Variants in DSCAM observed in about 807,000 individuals in gnomAD.
The protein encoded by DSCAM is cell adhesion molecule DSCAM.
A neutral mutation model predicts 217.7 loss-of-function variants in DSCAM; 47 were observed. That is an observed-to-expected ratio of 0.22 (90% CI 0.17 to 0.28). DSCAM has a LOEUF of 0.28. Ranked by LOEUF, DSCAM falls within the 10% of genes least tolerant of loss-of-function variation. DSCAM has a pLI of 1.00. For synonymous variants in DSCAM, 1,056 were observed against 1,015.3 expected, an observed-to-expected ratio of 1.04 and a Z score of -0.76; for missense variants, 2,080 against 2,618.3, an observed-to-expected ratio of 0.79 and a Z score of 4.49.
chr21:40,324,132 GAAAAAAAAA>G (rs796310854), intron 8 of DSCAM, among the ~76,000 whole-genome samples: 87 of 80,158 alleles, frequency 1.1e-3, no homozygotes, highest in African/African-American at 4.0e-3. Flanking sequence ...AAAAAAAAAA[GAAAAAAAAA>G]AGAGAGAGAG....
At position 40,338,126 on chromosome 21, in the gene DSCAM, G is replaced by A. The variant is rs1855079201; in HGVS notation, c.1758C>T (p.Ser586=). 6.2e-7 allele frequency: 1 copy of A among 1,614,210 alleles called. No homozygotes were observed. Among genetic ancestry groups the A allele is most frequent in the Non-Finnish European group, 8.5e-7 (1 of 1,180,040 alleles). The part of the protein sequence containing the change: ...NVLVQPQLST[S]QSVHVTVKVP... ...CTTTCACGGTCACGTGGACGCTCTG[G>A]CTGGTGGAGAGTTGTGGTTGAACCA... The change falls in exon 8 of 33, where the codon AGC becomes AGT. Residue 586 remains serine (S), a synonymous_variant. Transcript: ENST00000400454.
At chr21:40,298,242 A>G (rs910956667) in intron 9 of DSCAM, among the ~76,000 whole-genome samples, 6 of 151,824 alleles carry the variant, frequency 4.0e-5, no homozygotes, top group African/African-American at 1.4e-4. Flanking sequence ...CATCACGCCC[A>G]GGTAATTTTT....
intron 1 of DSCAM, among the ~76,000 whole-genome samples, chr21:40,717,445 T>C (rs1036225369): frequency 6.6e-6 from 1 of 152,222 alleles, no homozygotes; most frequent in Admixed American, 6.5e-5. Flanking sequence ...GTCTATCCCC[T>C]GAAGAACAGG....
chr21:40,074,638 C>T (rs139563034), intron 27 of DSCAM, among the ~76,000 whole-genome samples: 239 of 152,328 alleles, frequency 1.6e-3, no homozygotes, highest in African/African-American at 5.3e-3. Flanking sequence ...TATCCTAAGC[C>T]CTCAATTTCC....
At chr21:40,549,861 T>C (rs1216873185) in intron 3 of DSCAM, among the ~76,000 whole-genome samples, 1 of 152,190 alleles carries the variant, frequency 6.6e-6, no homozygotes, top group East Asian at 1.9e-4. Flanking sequence ...TAACTACCAG[T>C]ATCTAAGCTG....
In DSCAM at chr21:40,590,047, T is replaced by G. The variant is rs866257350; in HGVS notation, c.508+102763A>C. The stretch of plus-strand genomic sequence containing the variant: ...TGGTAGATATTGTGTCTTCAATCAA[T>G]GGGAATTAGTAGGCAGTTTCCGTCA... On this transcript the variant is annotated intron_variant, in intron 3 of 32. Coordinates refer to ENST00000400454, the MANE Select transcript of DSCAM (RefSeq NM_001389.5). Among the ~76,000 whole-genome samples the G allele has an allele frequency of 3.9e-5, 6 of 152,312 alleles. No individual in the cohort carries two copies. The South Asian group carries it at 1.2e-3, about 32-fold the overall frequency.
chr21:40,349,136 C>CAAAAAAA (rs758386936), intron 5 of DSCAM, among the ~76,000 whole-genome samples: 778 of 38,666 alleles, frequency 0.02, 93 homozygotes, highest in African/African-American at 0.071. Flanking sequence ...GACTCCATCT[C>CAAAAAAA]AAAAAAAAAA....
At chr21:40,275,262 C>T (rs868558465) in intron 11 of DSCAM, among the ~76,000 whole-genome samples, 40 of 151,804 alleles carry the variant, frequency 2.6e-4, no homozygotes, top group African/African-American at 8.5e-4. Flanking sequence ...CTCAGGAGTT[C>T]GAGGGTGTAG....
chr21:40,200,048 AC>A (rs1363873863), intron 11 of DSCAM, among the ~76,000 whole-genome samples: 3 of 150,550 alleles, frequency 2.0e-5, no homozygotes, highest in Non-Finnish European at 4.4e-5. Flanking sequence ...AATACACATA[AC>A]AAAAAATTGG....
chr21:40,457,511 CA>C (rs954483631), intron 3 of DSCAM, among the ~76,000 whole-genome samples: 2 of 147,226 alleles, frequency 1.4e-5, no homozygotes, highest in Non-Finnish European at 3.0e-5. Context: ...GACCCTGTCT[CA>C]AAAAAAATAA....
chr21:40,671,851 G>A (rs946197139), intron 3 of DSCAM, among the ~76,000 whole-genome samples: 1 of 152,204 alleles, frequency 6.6e-6, no homozygotes, highest in African/African-American at 2.4e-5. Context: ...AGAAACCACA[G>A]TCAGACAGAA....
At chr21:40,787,104 A>G (rs1185394743) in intron 1 of DSCAM, among the ~76,000 whole-genome samples, 1 of 152,254 alleles carries the variant, frequency 6.6e-6, no homozygotes, top group Non-Finnish European at 1.5e-5. Context: ...GGACTAGTCC[A>G]TGAAATACAG....
intron 32 of DSCAM, among the ~76,000 whole-genome samples, chr21:40,036,311 C>A (rs1239736162): frequency 6.7e-6 from 1 of 149,702 alleles, no homozygotes; most frequent in South Asian, 2.1e-4. Flanking sequence ...CAAATAGATG[C>A]AATAAAAAAT....
chr21:40,370,705 T>C (rs1243648406), intron 3 of DSCAM, among the ~76,000 whole-genome samples: 2 of 152,010 alleles, frequency 1.3e-5, no homozygotes, highest in African/African-American at 4.8e-5. Context: ...ACTGCAGCCA[T>C]CACCTCCTGA....
At chr21:40,342,569 TCA>T (rs1309352543) in intron 6 of DSCAM, among the ~76,000 whole-genome samples, 3 of 149,336 alleles carry the variant, frequency 2.0e-5, no homozygotes, top group Admixed American at 1.3e-4. Context: ...TTGAGTTGTT[TCA>T]GTGTTAATTT....
At chr21:40,578,045 G>A (rs1260362511) in intron 3 of DSCAM, among the ~76,000 whole-genome samples, 2 of 152,162 alleles carry the variant, frequency 1.3e-5, no homozygotes, top group African/African-American at 4.8e-5. Flanking sequence ...CCTAAAAACA[G>A]AGTTAGTAAA....
At chr21:40,746,317 C>T (rs1249356292) in intron 1 of DSCAM, among the ~76,000 whole-genome samples, 1 of 148,062 alleles carries the variant, frequency 6.8e-6, no homozygotes, top group African/African-American at 2.5e-5. Context: ...GATCTTTCAC[C>T]TATAAAAACA....
intron 3 of DSCAM, among the ~76,000 whole-genome samples, chr21:40,370,253 T>C (rs939480734): frequency 1.4e-5 from 2 of 148,044 alleles, no homozygotes; most frequent in Non-Finnish European, 3.0e-5. Context: ...GGTCTTTTAC[T>C]TTAAAAAAAA....
At chr21:40,269,804 T>C (rs2073591930) in intron 11 of DSCAM, among the ~76,000 whole-genome samples, 1 of 152,168 alleles carries the variant, frequency 6.6e-6, no homozygotes, top group South Asian at 2.1e-4. Context: ...TCATATTGGA[T>C]TAGGGATCCG....
Sources: gnomAD v4.1 joint callset for allele counts (sites outside exome capture counted in the v4.1 genomes callset) on GRCh38, gnomAD v4.1.1 for gene constraint, MANE v1.5 for transcripts, NCBI Gene and HGNC (gene_info 2026-07-23, HGNC 2026-07-21) for gene names.